The following RDH10 variants were observed in gnomAD, a reference collection of about 807,000 sequenced individuals.
RDH10 encodes the protein retinol dehydrogenase 10 (all-trans).
Under a neutral mutation model 30.2 loss-of-function variants are expected in RDH10, and 12 were observed. The ratio of observed to expected loss-of-function variants is 0.40; its 90% confidence interval spans 0.25 to 0.64. The LOEUF is 0.64. RDH10 is among the 30% of genes least tolerant of loss of function. RDH10 has a pLI of 0.43. For missense variants in RDH10, 268 were observed against 445.2 expected (o/e 0.60, Z 3.58); for synonymous variants, 189 against 172.2 (o/e 1.10, Z -0.76).
chr8:73,319,040 GT>G, intron 2 of RDH10, 55 bp from the exon 3 acceptor site: 1 of 1,194,804 alleles, frequency 8.4e-7, no homozygotes. Flanking sequence ...CCTGGACTGG[GT>G]TTTAGATGAA....
intron 2 of RDH10, among the ~76,000 whole-genome samples, chr8:73,302,427 T>C (rs1321530051): frequency 2.0e-5 from 3 of 152,232 alleles, no homozygotes; most frequent in Admixed American, 6.5e-5. Flanking sequence ...GACTCAAGCC[T>C]GTAATCCCAA....
intron 3 of RDH10, among the ~76,000 whole-genome samples, chr8:73,319,906 G>C (rs1814735940): frequency 6.6e-6 from 1 of 152,210 alleles, no homozygotes; most frequent in Non-Finnish European, 1.5e-5. Context: ...GAGTATATAT[G>C]TTGTTCTATC....
intron 2 of RDH10, among the ~76,000 whole-genome samples, chr8:73,316,302 G>A (rs1814662996): frequency 6.6e-6 from 1 of 152,158 alleles, no homozygotes; most frequent in African/African-American, 2.4e-5. Context: ...TTACAAGTGT[G>A]AGCCACTGTG....
At chr8:73,321,668 C>T (rs1039449368) in intron 4 of RDH10, 1 of 379,328 alleles carries the variant, frequency 2.6e-6, no homozygotes, top group Admixed American at 3.2e-5. Context: ...TGTCAAGTTA[C>T]ATCTGACTTG....
Position 73,295,234 on chromosome 8 carries a change from G to T in RDH10, c.-56G>T, listed in dbSNP as rs1435003780. 16 of 1,463,208 alleles carry T rather than the reference G, an allele frequency of 1.1e-5. No homozygotes were observed. The highest frequency in any genetic ancestry group is 2.3e-5 in the Admixed American group (1 of 43,722). 90.6% of individuals were successfully genotyped at this position (1,463,208 alleles called of 1,614,324 possible). On this transcript the variant is annotated 5_prime_UTR_variant, in exon 1 of 6. Coordinates refer to ENST00000240285, the MANE Select transcript of RDH10 (RefSeq NM_172037.5). ...CCGGAGCCGGGAGCCCGATTGCCGG[G>T]CTCGGGGTGGGCGCGGACGCAGGCA...
At chr8:73,297,114 CT>C (rs1814281499) in intron 1 of RDH10, 79 bp from the exon 2 acceptor site, 2 of 807,154 alleles carry the variant, frequency 2.5e-6, no homozygotes, top group East Asian at 5.1e-5. Flanking sequence ...GATCTTTGTC[CT>C]ACTGATCGCC....
In RDH10 at chr8:73,310,058, A is replaced by G. The variant is rs944685626; in HGVS notation, c.526-9038A>G. Reference sequence around the variant, plus strand: ...ATTCTCCCATTGGAGATTCTGGTATAATTGGTCTGAGAGGTGACCTGAACA... The same window carrying G: ...ATTCTCCCATTGGAGATTCTGGTATGATTGGTCTGAGAGGTGACCTGAACA... On this transcript the variant is annotated intron_variant, in intron 2 of 5. Coordinates refer to ENST00000240285, the MANE Select transcript of RDH10 (RefSeq NM_172037.5). Among the ~76,000 whole-genome samples, 3 of 152,294 alleles carry G rather than the reference A, an allele frequency of 2.0e-5. No individual in the cohort carries two copies. The Middle Eastern group carries it at 0.01, about 518-fold the overall frequency.
rs1814796588 is a variant in RDH10, at chr8:73,323,028, G to T, written c.1018G>T (p.Gly340Ter). ...QATNNNEAKNGI is the reference protein window; with the variant it reads ...QATNNNEAKN ...CACAAACAATAATGAAGCAAAAAATGGAATCTAAGAATCTTTTTGTATGGA... is the reference window on the plus strand; with the variant it reads ...CACAAACAATAATGAAGCAAAAAATTGAATCTAAGAATCTTTTTGTATGGA... Residue 340 changes from glycine (G) to a stop codon, truncating the protein, a stop_gained, in exon 6 of 6, where the codon GGA becomes TGA. Coordinates refer to ENST00000240285, the MANE Select transcript of RDH10 (RefSeq NM_172037.5). LOFTEE classifies it high-confidence loss of function. The T allele has an allele frequency of 6.2e-7, 1 of 1,612,430 alleles. No homozygotes were observed. The highest frequency in any genetic ancestry group is 8.5e-7 in the Non-Finnish European group (1 of 1,178,576).
chr8:73,316,120 G>A (rs929822888), intron 2 of RDH10, among the ~76,000 whole-genome samples: 6 of 152,104 alleles, frequency 3.9e-5, no homozygotes, highest in Non-Finnish European at 8.8e-5. Flanking sequence ...GGGCTCAAGC[G>A]ATCTGTCTAC....
Position 73,321,089 on chromosome 8 carries a change from C to A in RDH10, c.770+12C>A. 6.3e-7 allele frequency: 1 copy of A among 1,598,706 alleles called. No individual in the cohort carries two copies. Among genetic ancestry groups the A allele is most frequent in the Non-Finnish European group, 8.5e-7 (1 of 1,172,006 alleles). ...GGCTGCCGAATCAGGTCAGTGAGAA[C>A]CTATATTATTACTGATAAAAAGAAT... On this transcript the variant is annotated intron_variant, in intron 4 of 5. Transcript: ENST00000240285.
intron 4 of RDH10, chr8:73,322,356 A>G: frequency 3.5e-6 from 1 of 286,142 alleles, no homozygotes; most frequent in Non-Finnish European, 6.7e-6. Flanking sequence ...GCTATGCCAA[A>G]CACCTTCTCC....
chr8:73,323,308 G>A lies in RDH10; in HGVS notation c.*272G>A, dbSNP rs1391584825. 2 of 291,110 alleles carry A rather than the reference G, an allele frequency of 6.9e-6. No individual in the cohort carries two copies. The highest frequency in any genetic ancestry group is 1.3e-5 in the Non-Finnish European group (2 of 149,618). The allele number at this position is 291,110 out of a possible 1,614,324, so 18.0% of individuals were successfully genotyped here. A position where few individuals can be genotyped will look rare whatever the true frequency, so the allele number is the denominator to read the frequency against. On this transcript the variant is annotated 3_prime_UTR_variant, in exon 6 of 6. Transcript: ENST00000240285. Reference sequence around the variant, plus strand: ...GTAGAGAAGCAGTGTGACATCTTCAGGTTACCATTATTTTTTAATGAGCAG... The same window carrying A: ...GTAGAGAAGCAGTGTGACATCTTCAAGTTACCATTATTTTTTAATGAGCAG...
intron 2 of RDH10, among the ~76,000 whole-genome samples, chr8:73,298,591 G>A (rs751456598): frequency 1.2e-4 from 18 of 152,034 alleles, no homozygotes; most frequent in Non-Finnish European, 2.4e-4. Flanking sequence ...GCAGTGGCGC[G>A]ATCTTGGCTC....
At chr8:73,322,594 C>G in intron 4 of RDH10, 85 bp from the exon 5 acceptor site, 3 of 1,120,988 alleles carry the variant, frequency 2.7e-6, no homozygotes, top group Non-Finnish European at 3.9e-6. Flanking sequence ...ACTCAGATAA[C>G]ATCACTGTTA....
chr8:73,323,141 G>A lies in RDH10; in HGVS notation c.*105G>A. 2 of 952,726 alleles carry A rather than the reference G, an allele frequency of 2.1e-6. No individual in the cohort carries two copies. Among genetic ancestry groups the A allele is most frequent in the Non-Finnish European group, 3.2e-6 (2 of 626,974 alleles). 59.0% of individuals were successfully genotyped at this position (952,726 alleles called of 1,614,324 possible). A position where few individuals can be genotyped will look rare whatever the true frequency, so the allele number is the denominator to read the frequency against. On this transcript the variant is annotated 3_prime_UTR_variant, in exon 6 of 6. Transcript: ENST00000240285. Reference sequence around the variant, plus strand: ...ATTTTATGGATTCTAAACTTGTGTTGTTTCTTTTTTAAATCAACTTTTTAA... The same window carrying A: ...ATTTTATGGATTCTAAACTTGTGTTATTTCTTTTTTAAATCAACTTTTTAA...
At position 73,295,559 on chromosome 8, in the gene RDH10, C is replaced by T. The variant is rs376862573; in HGVS notation, c.270C>T (p.Ala90=). The T allele has an allele frequency of 5.2e-6, 8 of 1,534,246 alleles. No individual in the cohort carries two copies. The African/African-American group carries it at 1.1e-4, about 21-fold the overall frequency. Residue 90 remains alanine (A), a synonymous_variant, in exon 1 of 6, where the codon GCC becomes GCT. Transcript: ENST00000240285. ...ACATCTACCGCGACCTGGAGGCGGC[C>T]GACGCCGCTGCGCTGCAAGGTAACC... ...VRHIYRDLEA[A]DAAALQAGNG...
chr8:73,312,068 A>G (rs1814573605), intron 2 of RDH10: 1 of 152,208 alleles, frequency 6.6e-6, no homozygotes, highest in Non-Finnish European at 1.5e-5. Context: ...AGTATACTTA[A>G]TAAGTAGATA....
rs1254764220 is a variant in RDH10 at position 73,295,418 on chromosome 8, C to T, written c.129C>T (p.Gly43=). 3 of 1,547,870 alleles carry T rather than the reference C, an allele frequency of 1.9e-6. No homozygotes were observed. Among genetic ancestry groups the T allele is most frequent in the Non-Finnish European group, 2.6e-6 (3 of 1,147,832 alleles). Residue 43 remains glycine, a synonymous_variant, in exon 1 of 6, where the codon GGC becomes GGT. Transcript: ENST00000240285. ...CGGGCCAGGTGTGCCTCATCACCGG[C>T]GCCGGCAGCGGCCTGGGCCGCCTCT... ...SVAGQVCLIT[G]AGSGLGRLFA...
Position 73,320,815 on chromosome 8 carries a change from AC to A in RDH10, c.625-115del, listed in dbSNP as rs1336110597. Reference sequence around the variant, plus strand: ...ATGATTTCCTTTTCTTTGTGTAGTCACCTGTAACCTTATGTATTAGACATCT... The same window carrying A: ...ATGATTTCCTTTTCTTTGTGTAGTCACTGTAACCTTATGTATTAGACATCT... On this transcript the variant is annotated intron_variant, in intron 3 of 5. Coordinates refer to ENST00000240285, the MANE Select transcript of RDH10 (RefSeq NM_172037.5). 1.6e-5 allele frequency: 15 copies of A among 934,444 alleles called. No individual in the cohort carries two copies. In the Middle Eastern group the frequency reaches 1.6e-3, roughly 100 times the overall value. The allele number at this position is 934,444 out of a possible 1,614,324, so 57.9% of individuals were successfully genotyped here.
Sources: gnomAD v4.1 joint callset for allele counts (sites outside exome capture counted in the v4.1 genomes callset) on GRCh38, gnomAD v4.1.1 for gene constraint, MANE v1.5 for transcripts, NCBI Gene and HGNC (gene_info 2026-07-23, HGNC 2026-07-21) for gene names.